PCDHGA10: variants seen among roughly 807,000 people sequenced by gnomAD.
PCDHGA10 encodes protocadherin gamma-A10.
PCDHGA10 carries 42 observed loss-of-function variants against 59.5 expected under a neutral mutation model. That is an observed-to-expected ratio of 0.71 (90% CI 0.55 to 0.91). The LOEUF is 0.91. PCDHGA10 is among the 40% of genes least tolerant of loss of function. PCDHGA10 has a pLI of 0.00. For missense variants in PCDHGA10, 1,111 were observed against 1,198.2 expected, an observed-to-expected ratio of 0.93 and a Z score of 1.07; for synonymous variants, 511 against 517.2, an observed-to-expected ratio of 0.99 and a Z score of 0.16.
chr5:141,443,699 A>G (rs1433844997), intron 1 of PCDHGA10, among the ~76,000 whole-genome samples: 1 of 152,248 alleles, frequency 6.6e-6, no homozygotes, highest in African/African-American at 2.4e-5. Flanking sequence ...AAAATTATAG[A>G]ATAACATTTG....
At chr5:141,457,469 AG>A (rs1170841505) in intron 1 of PCDHGA10, among the ~76,000 whole-genome samples, 1 of 152,226 alleles carries the variant, frequency 6.6e-6, no homozygotes, top group Non-Finnish European at 1.5e-5. Context: ...CACAGGAATA[AG>A]CAGGGCCAGG....
At chr5:141,496,698 C>T (rs2099770595) in intron 2 of PCDHGA10, among the ~76,000 whole-genome samples, 1 of 152,196 alleles carries the variant, frequency 6.6e-6, no homozygotes, top group Non-Finnish European at 1.5e-5. Context: ...CCAACCTTCT[C>T]ATAAGTTATC....
chr5:141,486,559 G>A lies in PCDHGA10; in HGVS notation c.2437-8248G>A. ...CTTTCTTTCAGAGGTCACATGAGGTGTTTGTTCCTGAGAACAATCGCCCAG... is the reference window on the plus strand; with the variant it reads ...CTTTCTTTCAGAGGTCACATGAGGTATTTGTTCCTGAGAACAATCGCCCAG... On this transcript the variant is annotated intron_variant, in intron 1 of 3. Transcript: ENST00000398610. This position sits in a 1 kb window ranked among gnomAD's most constrained non-coding sequence, Gnocchi z 5.0. 6.2e-7 allele frequency: 1 copy of A among 1,614,032 alleles called. No individual in the cohort carries two copies. Among genetic ancestry groups the A allele is most frequent in the Non-Finnish European group, 8.5e-7 (1 of 1,180,022 alleles).
rs758172004 is a variant in PCDHGA10, at chr5:141,477,909, C to T, written c.2437-16898C>T. On this transcript the variant is annotated intron_variant, in intron 1 of 3. Transcript: ENST00000398610. This position sits in a 1 kb window ranked among gnomAD's most constrained non-coding sequence, Gnocchi z 4.9. ...GTGTCACGGGTGGTAGGCTGGGACGCGGATGCAGGGCACAATGCCTGGCTC... is the reference window on the plus strand; with the variant it reads ...GTGTCACGGGTGGTAGGCTGGGACGTGGATGCAGGGCACAATGCCTGGCTC... 2 of 1,614,166 alleles carry T rather than the reference C, an allele frequency of 1.2e-6. No individual in the cohort carries two copies. Among genetic ancestry groups the T allele is most frequent in the Admixed American group, 1.7e-5 (1 of 60,016 alleles).
chr5:141,447,805 G>T (rs1389870133), intron 1 of PCDHGA10, among the ~76,000 whole-genome samples: 2 of 152,064 alleles, frequency 1.3e-5, no homozygotes, highest in African/African-American at 4.8e-5. Context: ...AATAAAATTG[G>T]CTGGGCGTGG....
intron 1 of PCDHGA10, among the ~76,000 whole-genome samples, chr5:141,450,470 AGTTT>A (rs199699353): frequency 4.6e-5 from 7 of 151,680 alleles, no homozygotes; most frequent in Non-Finnish European, 8.8e-5. Flanking sequence ...TTATATATAG[AGTTT>A]GTTTGTTTGT....
chr5:141,422,685 C>G lies in PCDHGA10; in HGVS notation c.2436+7074C>G, dbSNP rs754112462. The G allele has an allele frequency of 2.5e-6, 4 of 1,605,144 alleles. No individual in the cohort carries two copies. The South Asian group carries it at 4.5e-5, about 18-fold the overall frequency. On this transcript the variant is annotated intron_variant, in intron 1 of 3. Coordinates refer to ENST00000398610, the MANE Select transcript of PCDHGA10 (RefSeq NM_018913.3). ...TCGACCCGGACAGCAAACAGAATGCCCTGGTCACTTACTCTCTGACGGATG... is the reference window on the plus strand; with the variant it reads ...TCGACCCGGACAGCAAACAGAATGCGCTGGTCACTTACTCTCTGACGGATG...
chr5:141,420,269 A>G, intron 1 of PCDHGA10: 1 of 1,544,558 alleles, frequency 6.5e-7, no homozygotes, highest in Admixed American at 2.0e-5. Flanking sequence ...GAAGATTCTT[A>G]AACAGGTAAG....
intron 1 of PCDHGA10, among the ~76,000 whole-genome samples, chr5:141,437,310 C>T (rs1226274834): frequency 6.6e-6 from 1 of 152,166 alleles, no homozygotes; most frequent in Non-Finnish European, 1.5e-5. Flanking sequence ...TTAAAGCGTT[C>T]AGCTATAATT....
chr5:141,493,346 C>T lies in PCDHGA10; in HGVS notation c.2437-1461C>T, dbSNP rs766845200. Among the ~76,000 whole-genome samples, 5 of 152,172 alleles carry T rather than the reference C, an allele frequency of 3.3e-5. No individual in the cohort carries two copies. Among genetic ancestry groups the T allele is most frequent in the Non-Finnish European group, 7.3e-5 (5 of 68,028 alleles). On this transcript the variant is annotated intron_variant, in intron 1 of 3. Coordinates refer to ENST00000398610, the MANE Select transcript of PCDHGA10 (RefSeq NM_018913.3). The surrounding 1 kb of genome is among the most constrained non-coding windows in gnomAD (Gnocchi z 4.3). Reference sequence around the variant, plus strand: ...CCCCTGTCTAACTCCAGAATGTGTGCTTTTAATTTCTTGGCACTTGGAACT... The same window carrying T: ...CCCCTGTCTAACTCCAGAATGTGTGTTTTTAATTTCTTGGCACTTGGAACT...
In PCDHGA10 at chr5:141,414,242, T is replaced by C. The variant is rs1412230684; in HGVS notation, c.1067T>C (p.Leu356Pro). 1 of 1,613,538 alleles carries C rather than the reference T, an allele frequency of 6.2e-7. No individual in the cohort carries two copies. Among genetic ancestry groups the C allele is most frequent in the Admixed American group, 1.7e-5 (1 of 59,960 alleles). The change falls in exon 1 of 4, where the codon CTA (leucine) becomes CCA (proline). Residue 356 changes from leucine to proline, a missense_variant. Leu to Pro is a moderately conservative substitution (Grantham distance 98). Coordinates refer to ENST00000398610, the MANE Select transcript of PCDHGA10 (RefSeq NM_018913.3). ...DNSPELTITS[L>P]FSPVTEDSPL... Reference sequence around the variant, plus strand: ...AGTCCAGAGCTGACCATCACGTCTCTATTTAGTCCAGTGACTGAAGATTCA... The same window carrying C: ...AGTCCAGAGCTGACCATCACGTCTCCATTTAGTCCAGTGACTGAAGATTCA...
chr5:141,463,125 G>A (rs2099053159), intron 1 of PCDHGA10, among the ~76,000 whole-genome samples: 3 of 152,192 alleles, frequency 2.0e-5, no homozygotes, highest in East Asian at 1.9e-4. Context: ...ATAGCTCCCT[G>A]GCAGTTCTTC....
intron 1 of PCDHGA10, chr5:141,478,523 G>A: frequency 1.2e-6 from 2 of 1,609,908 alleles, no homozygotes; most frequent in Non-Finnish European, 1.7e-6. Flanking sequence ...GGTGTTGGGT[G>A]CAGAGAGCGC....
chr5:141,439,410 A>T (rs2098110832), intron 1 of PCDHGA10, among the ~76,000 whole-genome samples: 1 of 152,220 alleles, frequency 6.6e-6, no homozygotes, highest in African/African-American at 2.4e-5. Context: ...TGCTAACATC[A>T]CTGAGGTTAT....
chr5:141,492,908 A>G (rs1595151443), intron 1 of PCDHGA10, among the ~76,000 whole-genome samples: 2 of 152,302 alleles, frequency 1.3e-5, no homozygotes, highest in African/African-American at 4.8e-5. Context: ...TCGTGATCAC[A>G]ATGTGCCCAG....
At chr5:141,478,087 C>T in intron 1 of PCDHGA10, 1 of 1,614,134 alleles carries the variant, frequency 6.2e-7, no homozygotes, top group East Asian at 2.2e-5. Flanking sequence ...CTTCGCTCTC[C>T]ACCACTGCTA....
chr5:141,460,414 T>G (rs1289935272), intron 1 of PCDHGA10, among the ~76,000 whole-genome samples: 1 of 152,216 alleles, frequency 6.6e-6, no homozygotes, highest in Non-Finnish European at 1.5e-5. Context: ...GAGTTGATGT[T>G]TATGTATGGT....
chr5:141,484,958 G>C (rs2099604320), intron 1 of PCDHGA10: 1 of 575,756 alleles, frequency 1.7e-6, no homozygotes, highest in Non-Finnish European at 3.1e-6. Flanking sequence ...TATTGGCTGA[G>C]CCCGGGAGCC....
intron 1 of PCDHGA10, among the ~76,000 whole-genome samples, chr5:141,460,653 G>A (rs10058370): frequency 0.17 from 25,559 of 151,914 alleles, 2,196 homozygotes; most frequent in South Asian, 0.22. Flanking sequence ...TTACACATAT[G>A]TAACTGTAAA....
Sources: allele counts gnomAD v4.1 joint callset (sites outside exome capture counted in the v4.1 genomes callset), GRCh38; gene constraint gnomAD v4.1.1; non-coding constraint Gnocchi (gnomAD v3.1); transcripts MANE v1.5; gene names NCBI Gene and HGNC (gene_info 2026-07-23, HGNC 2026-07-21).